The following EXOG variants were observed in gnomAD, a reference collection of about 807,000 sequenced individuals.
EXOG encodes the protein exo/endonuclease G.
Under a neutral mutation model 25.8 loss-of-function variants are expected in EXOG, and 27 were observed. The ratio of observed to expected loss-of-function variants is 1.05; its 90% CI spans 0.77 to 1.45. The LOEUF (loss-of-function observed/expected upper bound fraction) is 1.45. Among genes scored for constraint, EXOG ranks in the 40% most tolerant of loss-of-function variants. EXOG has a pLI of 0.00. For synonymous variants in EXOG, 133 were observed against 167.0 expected, an observed-to-expected ratio of 0.80 and a Z score of 1.57; for missense variants, 458 against 450.5, an observed-to-expected ratio of 1.02 and a Z score of -0.15.
At chr3:38,500,581 C>G (rs1259007660) in intron 2 of EXOG, among the ~76,000 whole-genome samples, 1 of 152,174 alleles carries the variant, frequency 6.6e-6, no homozygotes, top group Non-Finnish European at 1.5e-5. Context: ...TCAGTGACTT[C>G]ATTGTTCTCC....
chr3:38,503,756 C>A, intron 4 of EXOG, 65 bp downstream of exon 4: 2 of 936,522 alleles, frequency 2.1e-6, no homozygotes, highest in African/African-American at 1.6e-5. Flanking sequence ...GGAGAATGTA[C>A]TGATGTGCCT....
At chr3:38,523,429 T>A in intron 5 of EXOG, 1 of 551,570 alleles carries the variant, frequency 1.8e-6, no homozygotes, top group Non-Finnish European at 2.3e-6. Context: ...AGTGGTGCAA[T>A]CTCGGCTCAC....
chr3:38,499,368 G>A (rs749122048), intron 2 of EXOG, among the ~76,000 whole-genome samples: 11 of 152,224 alleles, frequency 7.2e-5, no homozygotes, highest in Non-Finnish European at 5.9e-5. Flanking sequence ...GTGTTAGACA[G>A]AAACTGATGT....
intron 2 of EXOG, chr3:38,500,233 A>G (rs2060006675): frequency 1.3e-5 from 2 of 153,702 alleles, no homozygotes. Context: ...AGATCAGGGA[A>G]CCTTAATCCC....
chr3:38,501,337 TTG>T lies in EXOG; in HGVS notation c.314-12_314-11del, dbSNP rs1212563134. 1.2e-6 allele frequency: 2 copies of T among 1,610,626 alleles called. No homozygotes were observed. The highest frequency in any genetic ancestry group is 2.2e-5 in the East Asian group (1 of 44,868). ...TTTGTCTACTGATAACATATCCATT[TTG>T]TGTGTTTTTCTTCAGGTGATGCAGA... is the stretch of plus-strand genomic sequence containing the variant. On this transcript the variant is annotated splice_polypyrimidine_tract_variant and intron_variant, in intron 2 of 5. Coordinates refer to ENST00000287675, the MANE Select transcript of EXOG (RefSeq NM_005107.4).
chr3:38,524,629 C>A lies in EXOG; in HGVS notation c.*267C>A. The A allele has an allele frequency of 8.9e-7, 1 of 1,124,530 alleles. No homozygotes were observed. Among genetic ancestry groups the A allele is most frequent in the South Asian group, 4.1e-5 (1 of 24,492 alleles). 69.7% of individuals were successfully genotyped at this position (1,124,530 alleles called of 1,614,324 possible). ...CACCATCACCCTCAGCTACTAGTGG[C>A]TTTGCTTTAAAGAAACAGTGGAATC... On this transcript the variant is annotated 3_prime_UTR_variant, in exon 6 of 6. Transcript: ENST00000287675.
rs115606987 is a variant in EXOG, at chr3:38,503,604, T to C, written c.454-11T>C. ...ATTTCAGTGCAAGTTACTATGTTTCTTTCTTTACAGAAAGCCATGGCTGAA... is the reference window on the plus strand; with the variant it reads ...ATTTCAGTGCAAGTTACTATGTTTCCTTCTTTACAGAAAGCCATGGCTGAA... On this transcript the variant is annotated splice_polypyrimidine_tract_variant and intron_variant, in intron 3 of 5. Transcript: ENST00000287675. 2,014 of 1,533,652 alleles carry C rather than the reference T, an allele frequency of 1.3e-3. 19 individuals carry two copies. In the African/African-American group the frequency reaches 0.025, roughly 19 times the overall value.
In EXOG at chr3:38,496,690, C is replaced by G. The variant is rs375642357; in HGVS notation, c.163+160C>G. ...CCTTTATTCTCCCGGCTCGGCCTCC[C>G]TTCCCCACCTCGCGTCTCGCCAGCT... On this transcript the variant is annotated intron_variant, in intron 1 of 5. Transcript: ENST00000287675. 2.1e-6 allele frequency: 3 copies of G among 1,443,836 alleles called. No homozygotes were observed. In the East Asian group the frequency reaches 7.7e-5, roughly 37 times the overall value. The allele number at this position is 1,443,836 out of a possible 1,614,324, so 89.4% of individuals were successfully genotyped here. A position where few individuals can be genotyped will look rare whatever the true frequency, so the allele number is the denominator to read the frequency against.
rs188563445 is a variant in EXOG, at chr3:38,516,548, A to C, written c.646-7353A>C. Among the ~76,000 whole-genome samples the C allele has an allele frequency of 9.8e-5, 15 of 152,346 alleles. No homozygotes were observed. The East Asian group carries it at 2.5e-3, about 25-fold the overall frequency. ...TGAACCATTTGAGTTAGTTGCAGAT[A>C]TCTTGTTCCTTTCCTCCTAAGCATT... On this transcript the variant is annotated intron_variant, in intron 5 of 5. Transcript: ENST00000287675.
In EXOG at chr3:38,524,062, C is replaced by T; in HGVS notation, c.807C>T (p.Leu269=). 1 of 1,614,140 alleles carries T rather than the reference C, an allele frequency of 6.2e-7. No homozygotes were observed. Among genetic ancestry groups the T allele is most frequent in the Non-Finnish European group, 8.5e-7 (1 of 1,180,028 alleles). ...AGTTAACTGAATTCCAAGTGAGCCTCCAGGACCTAGAGAAGTTGTCAGGAC... is the reference window on the plus strand; with the variant it reads ...AGTTAACTGAATTCCAAGTGAGCCTTCAGGACCTAGAGAAGTTGTCAGGAC... ...QPQLTEFQVS[L]QDLEKLSGLV... Residue 269 remains leucine, a synonymous_variant, in exon 6 of 6, where the codon CTC becomes CTT. Transcript: ENST00000287675.
chr3:38,525,146 G>C lies in EXOG; in HGVS notation c.*784G>C. On this transcript the variant is annotated 3_prime_UTR_variant, in exon 6 of 6. Transcript: ENST00000287675. ...CTAGGCTCAGTGCTTTACATGTGTTGTCTCACAATGACTCTCTGAGGTAAA... is the reference window on the plus strand; with the variant it reads ...CTAGGCTCAGTGCTTTACATGTGTTCTCTCACAATGACTCTCTGAGGTAAA... 2.2e-6 allele frequency: 2 copies of C among 920,124 alleles called. No individual in the cohort carries two copies. The highest frequency in any genetic ancestry group is 2.6e-6 in the Non-Finnish European group (2 of 771,072). The allele number at this position is 920,124 out of a possible 1,614,324, so 57.0% of individuals were successfully genotyped here.
intron 3 of EXOG, among the ~76,000 whole-genome samples, chr3:38,503,038 A>G (rs936471186): frequency 1.3e-5 from 2 of 152,192 alleles, no homozygotes; most frequent in African/African-American, 2.4e-5. Flanking sequence ...AGCTCCCTAG[A>G]TTATTCCAAT....
chr3:38,515,573 T>C, intron 5 of EXOG: 1 of 190,116 alleles, frequency 5.3e-6, no homozygotes, highest in Non-Finnish European at 1.2e-5. Context: ...GTGCTGTGGC[T>C]GCGGTTCTCC....
intron 5 of EXOG, among the ~76,000 whole-genome samples, chr3:38,516,144 T>C (rs899481684): frequency 1.3e-5 from 2 of 152,150 alleles, no homozygotes; most frequent in African/African-American, 2.4e-5. Flanking sequence ...TTCAGCACTT[T>C]TATACCTTTT....
rs1559675666 is a variant in EXOG at position 38,501,286 on chromosome 3, CCTTG to C, written c.314-65_314-62del. 2.9e-6 allele frequency: 4 copies of C among 1,397,950 alleles called. No individual in the cohort carries two copies. In the African/African-American group the frequency reaches 5.7e-5, roughly 20 times the overall value. 86.6% of individuals were successfully genotyped at this position (1,397,950 alleles called of 1,614,324 possible). ...ACACCAGCCAGTAGCAACCAGCTTGCCTTGCTTAGAGAATCTTGAGGGACATTTG... is the reference window on the plus strand; with the variant it reads ...ACACCAGCCAGTAGCAACCAGCTTGCCTTAGAGAATCTTGAGGGACATTTG... On this transcript the variant is annotated intron_variant, in intron 2 of 5. Coordinates refer to ENST00000287675, the MANE Select transcript of EXOG (RefSeq NM_005107.4).
chr3:38,497,901 A>G (rs2059941703), intron 2 of EXOG, 123 bp downstream of exon 2: 2 of 1,246,826 alleles, frequency 1.6e-6, no homozygotes, highest in South Asian at 3.1e-5. Flanking sequence ...AGAAAATTAT[A>G]TTTATATAAC....
chr3:38,518,194 G>A (rs1466766307), intron 5 of EXOG, among the ~76,000 whole-genome samples: 1 of 152,068 alleles, frequency 6.6e-6, no homozygotes, highest in African/African-American at 2.4e-5. Context: ...GAAGCGATAG[G>A]ATATATGCTG....
At chr3:38,505,211 T>A (rs2060166745) in intron 4 of EXOG, among the ~76,000 whole-genome samples, 1 of 152,170 alleles carries the variant, frequency 6.6e-6, no homozygotes, top group Admixed American at 6.5e-5. Flanking sequence ...TCAAATAAGA[T>A]AGACACAAAA....
At chr3:38,512,364 G>A (rs1451561004) in intron 5 of EXOG, among the ~76,000 whole-genome samples, 1 of 152,258 alleles carries the variant, frequency 6.6e-6, no homozygotes, top group Admixed American at 6.5e-5. Context: ...AAAAGGTAAA[G>A]TCTCACTTAT....
Sources: allele counts gnomAD v4.1 joint callset (sites outside exome capture counted in the v4.1 genomes callset), GRCh38; gene constraint gnomAD v4.1.1; transcripts MANE v1.5; gene names NCBI Gene and HGNC (gene_info 2026-07-23, HGNC 2026-07-21).